The following RPAP1 variants were observed in gnomAD, a reference collection of about 807,000 sequenced individuals.
RPAP1 encodes RNA polymerase II associated protein 1.
A neutral mutation model predicts 142.4 loss-of-function variants in RPAP1; 109 were observed. The observed-to-expected ratio is 0.77, with a 90% confidence interval of 0.66 to 0.90. The LOEUF (loss-of-function observed/expected upper bound fraction) is 0.90, where lower values mean the gene tolerates loss of function less well. Among genes scored for constraint, RPAP1 ranks in the 40% least tolerant of loss-of-function variants. The pLI, the probability that RPAP1 is intolerant of heterozygous loss-of-function variation, is 0.00. For missense variants in RPAP1, 1,546 were observed against 1,751.7 expected (o/e 0.88, Z 2.10); for synonymous variants, 704 against 738.9 (o/e 0.95, Z 0.77).
In RPAP1 at chr15:41,517,464, G is replaced by A. The variant is rs2051676477; in HGVS notation, c.*78C>T. ...CTCCTGCCTACCATTAGGACACAAT[G>A]TTCTTCGTCTGGCCAGACATCTGTT... On this transcript the variant is annotated 3_prime_UTR_variant, in exon 25 of 25. Coordinates refer to ENST00000304330, the MANE Select transcript of RPAP1 (RefSeq NM_015540.4). 1.5e-6 allele frequency: 2 copies of A among 1,336,430 alleles called. No homozygotes were observed. Among genetic ancestry groups the A allele is most frequent in the East Asian group, 4.7e-5 (2 of 42,992 alleles). The allele number at this position is 1,336,430 out of a possible 1,614,324, so 82.8% of individuals were successfully genotyped here.
rs2140751613 is a variant in RPAP1, at chr15:41,517,259, G to GTC, written c.*282_*283insGA. 1 of 302,800 alleles carries GTC rather than the reference G, an allele frequency of 3.3e-6. No homozygotes were observed. Among genetic ancestry groups the GTC allele is most frequent in the East Asian group, 5.9e-5 (1 of 17,010 alleles). 18.8% of individuals were successfully genotyped at this position (302,800 alleles called of 1,614,324 possible). A position where few individuals can be genotyped will look rare whatever the true frequency, so the allele number is the denominator to read the frequency against. ...GCCCAGGGCAGGGGTTGGGAGTTAGGTAAGAAGGGATGCATTTAGTTTGCC... is the reference window on the plus strand; with the variant it reads ...GCCCAGGGCAGGGGTTGGGAGTTAGGTCTAAGAAGGGATGCATTTAGTTTGCC... On this transcript the variant is annotated 3_prime_UTR_variant, in exon 25 of 25. Transcript: ENST00000304330.
At chr15:41,539,107 G>A (rs1414477759) in intron 1 of RPAP1, among the ~76,000 whole-genome samples, 1 of 152,032 alleles carries the variant, frequency 6.6e-6, no homozygotes, top group East Asian at 1.9e-4. Flanking sequence ...GCCATGAATT[G>A]TAAACTTTAT....
chr15:41,528,217 G>T lies in RPAP1; in HGVS notation c.1260+18C>A. 1 of 1,589,696 alleles carries T rather than the reference G, an allele frequency of 6.3e-7. No individual in the cohort carries two copies. The highest frequency in any genetic ancestry group is 8.6e-7 in the Non-Finnish European group (1 of 1,165,418). Reference sequence around the variant, plus strand: ...GTGAAGGGAAGGGTGGGCAGGACCAGGCTGGCAATCCACTCACCCTGCTGA... The same window carrying T: ...GTGAAGGGAAGGGTGGGCAGGACCATGCTGGCAATCCACTCACCCTGCTGA... On this transcript the variant is annotated intron_variant, in intron 10 of 24. Coordinates refer to ENST00000304330, the MANE Select transcript of RPAP1 (RefSeq NM_015540.4).
intron 22 of RPAP1, 182 bp downstream of exon 22, chr15:41,520,209 C>T: frequency 1.5e-6 from 1 of 668,354 alleles, no homozygotes; most frequent in Non-Finnish European, 2.5e-6. Context: ...GATGGAATTA[C>T]AGGCGTGAGC....
Position 41,525,117 on chromosome 15 carries a change from C to T in RPAP1, c.1949G>A (p.Cys650Tyr). The change falls in exon 15 of 25, where the codon TGC becomes TAC. Residue 650 changes from cysteine (C) to tyrosine (Y), a missense_variant. Physicochemically the swap from Cys to Tyr is radical, Grantham distance 194. This residue lies in a region of RPAP1 where 1,333 missense variants were observed against 1,486.6 expected (regional missense o/e 0.90). Coordinates refer to ENST00000304330, the MANE Select transcript of RPAP1 (RefSeq NM_015540.4). Reference sequence around the variant, plus strand: ...TTGGGGAGCCTCAGCTATGATGCGGCACAGGCGGCTCCGGAGATCAAAGCT... The same window carrying T: ...TTGGGGAGCCTCAGCTATGATGCGGTACAGGCGGCTCCGGAGATCAAAGCT... ...LSSFDLRSRLCRIIAEAPQEL... is the reference protein window; with the variant it reads ...LSSFDLRSRLYRIIAEAPQEL... 1 of 1,613,212 alleles carries T rather than the reference C, an allele frequency of 6.2e-7. No homozygotes were observed. Among genetic ancestry groups the T allele is most frequent in the African/African-American group, 1.3e-5 (1 of 75,014 alleles).
rs1489338034 is a variant in RPAP1 at position 41,523,812 on chromosome 15, G to A, written c.2395C>T (p.Leu799=). ...RAVGPVPVAC[L]LFLGAYYQAW... is the part of the protein sequence containing the mutation. ...TGGTAGTAGGCTCCCAGGAACAACA[G>A]GCAGGCAACGGGCACTGGGCCCACG... Residue 799 remains leucine, a synonymous_variant, in exon 17 of 25, where the codon CTG becomes TTG. Coordinates refer to ENST00000304330, the MANE Select transcript of RPAP1 (RefSeq NM_015540.4). 4 of 1,608,942 alleles carry A rather than the reference G, an allele frequency of 2.5e-6. No homozygotes were observed. Among genetic ancestry groups the A allele is most frequent in the African/African-American group, 1.3e-5 (1 of 74,836 alleles).
intron 2 of RPAP1, 110 bp downstream of exon 2, chr15:41,536,835 G>T: frequency 1.4e-6 from 2 of 1,400,536 alleles, no homozygotes; most frequent in Non-Finnish European, 2.0e-6. Flanking sequence ...CACAGGCTAT[G>T]CAGTGTCTGA....
In RPAP1 at chr15:41,536,974, T is replaced by C; in HGVS notation, c.152A>G (p.Gln51Arg). ...GDANSDRPPL[Q>R]DHRDVVMLDN... is the part of the protein sequence containing the mutation. Reference sequence around the variant, plus strand: ...CAACATCACCACATCCCGATGGTCCTGGAGCGGAGGCCGGTCTGAGTTGGC... The same window carrying C: ...CAACATCACCACATCCCGATGGTCCCGGAGCGGAGGCCGGTCTGAGTTGGC... Residue 51 changes from glutamine (Q) to arginine (R), a missense_variant, in exon 2 of 25, where the codon CAG becomes CGG. Physicochemically the swap from Gln to Arg is conservative, Grantham distance 43. Transcript: ENST00000304330. 2.5e-6 allele frequency: 4 copies of C among 1,614,164 alleles called. No homozygotes were observed. Among genetic ancestry groups the C allele is most frequent in the Middle Eastern group, 1.6e-4 (1 of 6,062 alleles).
At chr15:41,524,071 C>A (rs1595482086) in intron 16 of RPAP1, 25 bp downstream of exon 16, 1 of 1,593,192 alleles carries the variant, frequency 6.3e-7, no homozygotes, top group Non-Finnish European at 8.6e-7. Context: ...CTCCACCTGT[C>A]CTGTGGGTCC....
intron 14 of RPAP1, chr15:41,525,356 T>G (rs538215273): frequency 1.1e-4 from 25 of 233,826 alleles, no homozygotes; most frequent in South Asian, 8.6e-4. Flanking sequence ...ATTATTATTT[T>G]GAGATGGAGT....
Position 41,535,546 on chromosome 15 carries a change from AACTGATGGGCCCTTG to A in RPAP1, c.492_506del (p.Lys165_Val169del). The A allele has an allele frequency of 6.2e-7, 1 of 1,613,362 alleles. No individual in the cohort carries two copies. Among genetic ancestry groups the A allele is most frequent in the Non-Finnish European group, 8.5e-7 (1 of 1,179,782 alleles). ...GGCCCACGTTGGGCACAACTTCCCC[AACTGATGGGCCCTTG>A]GCTTCAGCTATCCTCCTTGCCGCAA... On this transcript the variant is annotated inframe_deletion, in exon 5 of 25. Transcript: ENST00000304330.
intron 22 of RPAP1, among the ~76,000 whole-genome samples, chr15:41,518,728 A>G (rs968435159): frequency 1.3e-5 from 2 of 151,562 alleles, no homozygotes; most frequent in Non-Finnish European, 2.9e-5. Context: ...CTGTAATCCC[A>G]GCTACTCAGG....
At position 41,527,547 on chromosome 15, in the gene RPAP1, G is replaced by C. The variant is rs1231264472; in HGVS notation, c.1487C>G (p.Pro496Arg). The C allele has an allele frequency of 6.2e-7, 1 of 1,614,000 alleles. No individual in the cohort carries two copies. Among genetic ancestry groups the C allele is most frequent in the Non-Finnish European group, 8.5e-7 (1 of 1,180,014 alleles). ...CTCATCCTCCTTGTCCTCCTGGCTG[G>C]GCATCAGAGGGAACGTCAAAGCTCC... ...YHGALTFPLM[P>R]SQEDKEDEDE... The change falls in exon 12 of 25, where the codon CCC becomes CGC. Residue 496 changes from proline to arginine, a missense_variant. Around this residue, in one of 3 missense-constraint regions of RPAP1, gnomAD observed 1,333 missense variants for 1,486.6 expected, o/e 0.90. Coordinates refer to ENST00000304330, the MANE Select transcript of RPAP1 (RefSeq NM_015540.4).
chr15:41,523,584 A>C (rs888530961), intron 17 of RPAP1, among the ~76,000 whole-genome samples, 187 bp downstream of exon 17: 2 of 152,226 alleles, frequency 1.3e-5, no homozygotes, highest in African/African-American at 4.8e-5. Flanking sequence ...GGTCCCCACC[A>C]ACATGGCTCC....
At chr15:41,540,284 C>T (rs2051959277) in intron 1 of RPAP1, among the ~76,000 whole-genome samples, 1 of 149,358 alleles carries the variant, frequency 6.7e-6, no homozygotes, top group Non-Finnish European at 1.5e-5. Flanking sequence ...TCATAACAGC[C>T]TAGGAGGTAG....
At chr15:41,531,665 G>C (rs2051853593) in intron 6 of RPAP1, among the ~76,000 whole-genome samples, 1 of 117,830 alleles carries the variant, frequency 8.5e-6, no homozygotes, top group Non-Finnish European at 1.6e-5. Flanking sequence ...TTTTGAGACG[G>C]AATCTCGCTG....
Position 41,522,158 on chromosome 15 carries a change from T to C in RPAP1, c.2835A>G (p.Ala945=), listed in dbSNP as rs986165708. 6.2e-7 allele frequency: 1 copy of C among 1,613,970 alleles called. No individual in the cohort carries two copies. Among genetic ancestry groups the C allele is most frequent in the Non-Finnish European group, 8.5e-7 (1 of 1,179,988 alleles). ...GGTGGTACTCATGGCGCAGGGCCCA[T>C]GCAGAGAAAGGTGTGAGGTGTGGGG... ...GAAPHLTPFS[A]WALRHEYHLQ... The change falls in exon 20 of 25, where the codon GCA becomes GCG. Residue 945 remains alanine, a synonymous_variant. Coordinates refer to ENST00000304330, the MANE Select transcript of RPAP1 (RefSeq NM_015540.4).
intron 23 of RPAP1, 67 bp from the exon 24 acceptor site, chr15:41,517,924 CACTT>C (rs2051681967): frequency 1.2e-6 from 2 of 1,613,120 alleles, no homozygotes; most frequent in Non-Finnish European, 1.7e-6. Context: ...CCTTGCTTGA[CACTT>C]ACCTCTTCCC....
intron 6 of RPAP1, 105 bp from the exon 7 acceptor site, chr15:41,531,307 G>T: frequency 8.6e-7 from 1 of 1,157,352 alleles, no homozygotes; most frequent in South Asian, 1.6e-5. Flanking sequence ...GCCAAGGACA[G>T]GACAAGCTGC....
Sources: allele counts gnomAD v4.1 joint callset (sites outside exome capture counted in the v4.1 genomes callset), GRCh38; gene constraint gnomAD v4.1.1; regional missense constraint gnomAD v4.1.1; transcripts MANE v1.5; gene names NCBI Gene and HGNC (gene_info 2026-07-23, HGNC 2026-07-21).